The following CIT variants were observed in gnomAD, a reference collection of about 807,000 sequenced individuals.
CIT encodes the protein citron Rho-interacting kinase.
CIT carries 79 observed loss-of-function variants against 272.7 expected under a neutral mutation model. That is an observed-to-expected ratio of 0.29 (90% confidence interval 0.24 to 0.35). The LOEUF (loss-of-function observed/expected upper bound fraction) is 0.35, where lower values mean the gene tolerates loss of function less well. Among genes scored for constraint, CIT ranks in the 10% least tolerant of loss-of-function variants. The pLI is 1.00. For missense variants in CIT, 1,909 were observed against 2,618.3 expected (o/e 0.73, Z 5.91); for synonymous variants, 948 against 995.6 (o/e 0.95, Z 0.90).
intron 19 of CIT, among the ~76,000 whole-genome samples, chr12:119,766,071 G>T (rs1025855368): frequency 2.0e-5 from 3 of 151,310 alleles, no homozygotes; most frequent in Non-Finnish European, 4.4e-5. Context: ...CTGTCAGCGG[G>T]GGTGGGGTGG....
At chr12:119,776,951 G>C in intron 13 of CIT, 109 bp from the exon 14 acceptor site, 1 of 1,231,726 alleles carries the variant, frequency 8.1e-7, no homozygotes, top group Non-Finnish European at 1.2e-6. Context: ...ACAGTGAAGA[G>C]AGACTGGCAA....
intron 10 of CIT, among the ~76,000 whole-genome samples, chr12:119,786,463 A>G (rs1032419026): frequency 4.6e-5 from 7 of 152,200 alleles, no homozygotes; most frequent in African/African-American, 4.8e-5. Context: ...TACACTGGAT[A>G]TGAACACTGG....
chr12:119,773,571 T>A (rs906676842), intron 16 of CIT, among the ~76,000 whole-genome samples: 1 of 152,070 alleles, frequency 6.6e-6, no homozygotes, highest in Admixed American at 6.6e-5. Flanking sequence ...GTAGCTAGGA[T>A]TACAGGCATG....
chr12:119,795,572 T>C (rs960407635), intron 10 of CIT, among the ~76,000 whole-genome samples: 1 of 151,952 alleles, frequency 6.6e-6, no homozygotes, highest in African/African-American at 2.4e-5. Context: ...CCTAGAAGAG[T>C]AGATTCTCAT....
intron 22 of CIT, among the ~76,000 whole-genome samples, chr12:119,753,290 G>T (rs1854720787): frequency 6.6e-6 from 1 of 152,194 alleles, no homozygotes; most frequent in Admixed American, 6.5e-5. Context: ...CAGAGGGTCG[G>T]AGAAGGCTCC....
At chr12:119,741,667 A>C (rs1401604568) in intron 24 of CIT, among the ~76,000 whole-genome samples, 1 of 152,198 alleles carries the variant, frequency 6.6e-6, no homozygotes, top group Non-Finnish European at 1.5e-5. Flanking sequence ...AACAAGGACA[A>C]GATCACTGAG....
At chr12:119,761,108 A>G (rs1961734331) in intron 19 of CIT, 53 bp from the exon 20 acceptor site, 2 of 1,270,112 alleles carry the variant, frequency 1.6e-6, no homozygotes, top group Admixed American at 1.7e-5. Flanking sequence ...CTGAGGAGGG[A>G]AGACTAAACG....
chr12:119,709,781 AGAGAGAGTGTGTGTGTGT>A lies in CIT; in HGVS notation c.5071+452_5071+469del, dbSNP rs1280475434. Among the ~76,000 whole-genome samples the A allele has an allele frequency of 1.4e-4, 8 of 58,278 alleles. No homozygotes were observed. The South Asian group carries it at 2.5e-3, about 19-fold the overall frequency. The allele number at this position is 58,278 out of a possible 152,430, so 38.2% of individuals were successfully genotyped here. On this transcript the variant is annotated intron_variant, in intron 39 of 47. Transcript: ENST00000392521. ...TCAGGAAAGAGAGAGAGAGAGAGAG[AGAGAGAGTGTGTGTGTGT>A]GTGTGTGTGTGTGTGTGTGTGTGTG...
At chr12:119,855,809 G>A (rs570934137) in intron 4 of CIT, among the ~76,000 whole-genome samples, 1 of 152,124 alleles carries the variant, frequency 6.6e-6, no homozygotes, top group African/African-American at 2.4e-5. Flanking sequence ...TGCCTGCCGT[G>A]TGGCCTGTTG....
chr12:119,766,512 G>A (rs1962473682), intron 19 of CIT, among the ~76,000 whole-genome samples: 1 of 152,170 alleles, frequency 6.6e-6, no homozygotes, highest in Admixed American at 6.5e-5. Flanking sequence ...AGGGAAGGTA[G>A]GGATGGTTAA....
At chr12:119,803,662 T>C (rs1044846949) in intron 9 of CIT, among the ~76,000 whole-genome samples, 2 of 152,190 alleles carry the variant, frequency 1.3e-5, no homozygotes, top group African/African-American at 4.8e-5. Flanking sequence ...ACGAAAGCAC[T>C]TGGGCCAACG....
chr12:119,859,835 C>A (rs1950283245), intron 3 of CIT, among the ~76,000 whole-genome samples: 1 of 152,024 alleles, frequency 6.6e-6, no homozygotes, highest in African/African-American at 2.4e-5. Flanking sequence ...AGAACACAAT[C>A]TTGCTCTGTC....
intron 7 of CIT, among the ~76,000 whole-genome samples, chr12:119,827,928 C>T (rs1968302126): frequency 6.6e-6 from 1 of 152,180 alleles, no homozygotes; most frequent in Non-Finnish European, 1.5e-5. Flanking sequence ...TTTATTGCCA[C>T]AGACTGTTCA....
intron 19 of CIT, among the ~76,000 whole-genome samples, chr12:119,765,001 G>T: frequency 6.6e-6 from 1 of 151,688 alleles, no homozygotes; most frequent in East Asian, 2.0e-4. Context: ...TAGAGGCGGG[G>T]TTTCACCATG....
chr12:119,845,943 AACACACACACACAC>A (rs58381184), intron 5 of CIT, among the ~76,000 whole-genome samples: 12 of 137,054 alleles, frequency 8.8e-5, no homozygotes, highest in South Asian at 7.4e-4. Flanking sequence ...TCCATCTCAA[AACACACACACACAC>A]ACACACACAC....
At chr12:119,837,307 T>G (rs1247482075) in intron 5 of CIT, among the ~76,000 whole-genome samples, 1 of 152,198 alleles carries the variant, frequency 6.6e-6, no homozygotes, top group Non-Finnish European at 1.5e-5. Context: ...ATGGAGGCCA[T>G]GGGGAAGATG....
At chr12:119,797,008 G>T (rs1016220479) in intron 10 of CIT, among the ~76,000 whole-genome samples, 11 of 152,216 alleles carry the variant, frequency 7.2e-5, no homozygotes, top group Non-Finnish European at 1.5e-4. Flanking sequence ...TTGAGTGCAG[G>T]CTCTTCTTTC....
chr12:119,862,275 G>A (rs530722978), intron 3 of CIT, among the ~76,000 whole-genome samples: 4 of 152,158 alleles, frequency 2.6e-5, no homozygotes, highest in Admixed American at 2.0e-4. Flanking sequence ...GATTACAGGC[G>A]TGAGCCACTA....
At chr12:119,748,012 A>C (rs1199405314) in intron 23 of CIT, among the ~76,000 whole-genome samples, 1 of 151,908 alleles carries the variant, frequency 6.6e-6, no homozygotes. Flanking sequence ...AAAAAATACA[A>C]AAGTTAACCA....
Sources: gnomAD v4.1 joint callset for allele counts (sites outside exome capture counted in the v4.1 genomes callset) on GRCh38, gnomAD v4.1.1 for gene constraint, MANE v1.5 for transcripts, NCBI Gene and HGNC (gene_info 2026-07-23, HGNC 2026-07-21) for gene names.